The following ACSF3 variants were observed in gnomAD, a reference collection of about 807,000 sequenced individuals.
ACSF3 encodes acyl-CoA synthetase family member 3.
A neutral mutation model predicts 53.2 loss-of-function variants in ACSF3; 78 were observed. The ratio of observed to expected loss-of-function variants is 1.47; its 90% CI spans 1.22 to 1.77. ACSF3 has a LOEUF of 1.77. Among genes scored for constraint, ACSF3 ranks in the 40% most tolerant of loss-of-function variants. The pLI is 0.00. For synonymous variants in ACSF3, 414 were observed against 333.1 expected (o/e 1.24, Z -2.65); for missense variants, 937 against 771.1 (o/e 1.22, Z -2.55).
At position 89,154,172 on chromosome 16, in the gene ACSF3, A is replaced by G. The variant is rs1189031794; in HGVS notation, c.1696A>G (p.Lys566Glu). Residue 566 changes from lysine (K) to glutamate (E), a missense_variant, in exon 11 of 11, where the codon AAG becomes GAG. Lys to Glu is a moderately conservative substitution (Grantham distance 56). Coordinates refer to ENST00000614302, the MANE Select transcript of ACSF3 (RefSeq NM_001243279.3). ...GCGGAACCAGATGGGCAAGATTGAC[A>G]AGAAGGCGCTCATCAGGCACTTCCA... ...IPRNQMGKID[K>E]KALIRHFHPS is the part of the protein sequence containing the mutation. The G allele has an allele frequency of 6.2e-7, 1 of 1,613,558 alleles. No individual in the cohort carries two copies. The highest frequency in any genetic ancestry group is 8.5e-7 in the Non-Finnish European group (1 of 1,179,880).
rs72262430 is a variant in ACSF3 at position 89,155,776 on chromosome 16, ATCTC to A, written c.*1574_*1577del. 1.1e-5 allele frequency: 5 copies of A among 453,852 alleles called. No individual in the cohort carries two copies. Among genetic ancestry groups the A allele is most frequent in the East Asian group, 6.9e-5 (1 of 14,396 alleles). The allele number at this position is 453,852 out of a possible 1,614,324, so 28.1% of individuals were successfully genotyped here. A position where few individuals can be genotyped will look rare whatever the true frequency, so the allele number is the denominator to read the frequency against. On this transcript the variant is annotated 3_prime_UTR_variant, in exon 11 of 11. Transcript: ENST00000614302. Reference sequence around the variant, plus strand: ...TTAATTCCACTAATTTTACATTTGCATCTCTCTCCTTTAATCCTGAAACTTTTGA... The same window carrying A: ...TTAATTCCACTAATTTTACATTTGCATCTCCTTTAATCCTGAAACTTTTGA...
intron 1 of ACSF3, among the ~76,000 whole-genome samples, chr16:89,094,381 T>C (rs1043978862): frequency 6.6e-6 from 1 of 152,224 alleles, no homozygotes; most frequent in African/African-American, 2.4e-5. Context: ...CCGTTTTAGT[T>C]GTTTGCTGCG....
intron 4 of ACSF3, among the ~76,000 whole-genome samples, chr16:89,104,940 A>T (rs909508280): frequency 6.6e-5 from 10 of 152,210 alleles, no homozygotes; most frequent in African/African-American, 2.2e-4. Flanking sequence ...AGCAGTTACT[A>T]CCGTGCCAAA....
At chr16:89,146,704 A>T (rs972594344) in intron 10 of ACSF3, among the ~76,000 whole-genome samples, 2 of 152,214 alleles carry the variant, frequency 1.3e-5, no homozygotes, top group East Asian at 3.9e-4. Context: ...CCCAGTCCTT[A>T]AACTCACCTG....
intron 1 of ACSF3, among the ~76,000 whole-genome samples, chr16:89,096,453 G>A (rs367887568): frequency 9.9e-5 from 15 of 152,282 alleles, no homozygotes; most frequent in African/African-American, 3.1e-4. Context: ...CTGCGTGTTC[G>A]AGGCAGGGCT....
chr16:89,154,100 G>A lies in ACSF3; in HGVS notation c.1624G>A (p.Ala542Thr). Residue 542 changes from alanine (A) to threonine (T), a missense_variant, in exon 11 of 11, where the codon GCC (alanine) becomes ACC (threonine). Transcript: ENST00000614302. Reference protein sequence around the residue: ...ELKEWARNVLAPYAVPSELVL... With the variant: ...ELKEWARNVLTPYAVPSELVL... ...TGCTTGTCTCTGCAGAAATGTCCTGGCCCCGTACGCGGTGCCCTCGGAGCT... is the reference window on the plus strand; with the variant it reads ...TGCTTGTCTCTGCAGAAATGTCCTGACCCCGTACGCGGTGCCCTCGGAGCT... 2 of 1,612,762 alleles carry A rather than the reference G, an allele frequency of 1.2e-6. No homozygotes were observed. Among genetic ancestry groups the A allele is most frequent in the Non-Finnish European group, 1.7e-6 (2 of 1,179,558 alleles).
At chr16:89,109,481 G>T (rs916907011) in intron 4 of ACSF3, among the ~76,000 whole-genome samples, 4 of 140,998 alleles carry the variant, frequency 2.8e-5, no homozygotes, top group African/African-American at 1.1e-4. Context: ...GCTCAGTCTC[G>T]GCTCACTGCA....
At chr16:89,099,972 C>T (rs1427842223) in intron 2 of ACSF3, among the ~76,000 whole-genome samples, 1 of 96,280 alleles carries the variant, frequency 1.0e-5, no homozygotes, top group Non-Finnish European at 2.4e-5. Context: ...GAGACCTTGT[C>T]TCTACCAAAA....
At chr16:89,128,617 G>A (rs12102355) in intron 7 of ACSF3, among the ~76,000 whole-genome samples, 109,080 of 152,068 alleles carry the variant, frequency 0.72, 40,119 homozygotes, top group Non-Finnish European at 0.8. Flanking sequence ...TGTTCCTTAA[G>A]ACTTCCTCTT....
At chr16:89,107,929 G>A (rs951822263) in intron 4 of ACSF3, among the ~76,000 whole-genome samples, 2 of 152,176 alleles carry the variant, frequency 1.3e-5, no homozygotes, top group African/African-American at 4.8e-5. Context: ...CCAAGACAGG[G>A]AAGAAAAAGA....
chr16:89,136,425 A>T, intron 8 of ACSF3: 1 of 985,848 alleles, frequency 1.0e-6, no homozygotes, highest in Non-Finnish European at 1.3e-6. Context: ...TCTTTGTCAC[A>T]GGCCATTAGC....
chr16:89,106,009 C>G (rs953408815), intron 4 of ACSF3, among the ~76,000 whole-genome samples: 4 of 152,238 alleles, frequency 2.6e-5, no homozygotes, highest in African/African-American at 9.6e-5. Flanking sequence ...CACAGGCACA[C>G]GGCTTGGGAG....
chr16:89,094,207 C>G (rs1974342317), intron 1 of ACSF3, among the ~76,000 whole-genome samples: 1 of 151,956 alleles, frequency 6.6e-6, no homozygotes, highest in East Asian at 1.9e-4. Flanking sequence ...GGCCCCCGCG[C>G]GGGGTGCGGG....
intron 4 of ACSF3, among the ~76,000 whole-genome samples, chr16:89,105,349 GCT>G (rs1273064206): frequency 6.6e-6 from 1 of 152,148 alleles, no homozygotes; most frequent in East Asian, 1.9e-4. Flanking sequence ...CCTCCTTGCG[GCT>G]CTCTCTGGGG....
At chr16:89,125,699 AGAG>A (rs970748099) in intron 7 of ACSF3, among the ~76,000 whole-genome samples, 106 of 15,184 alleles carry the variant, frequency 7.0e-3, no homozygotes, top group Non-Finnish European at 0.018. Flanking sequence ...AAAAAAAAAA[AGAG>A]AGAGAGAGAG....
chr16:89,114,330 GC>G lies in ACSF3; in HGVS notation c.978-7del. On this transcript the variant is annotated splice_region_variant and splice_polypyrimidine_tract_variant and intron_variant, in intron 5 of 10. Transcript: ENST00000614302. ...AGGGGCTAAACCTGCCTTTGGTTGT[GC>G]CGCGTAGGCTGATGGTCTCAGGCTC... 1 of 1,613,914 alleles carries G rather than the reference GC, an allele frequency of 6.2e-7. No individual in the cohort carries two copies. The highest frequency in any genetic ancestry group is 1.3e-5 in the African/African-American group (1 of 75,054).
rs1160044834 is a variant in ACSF3 at position 89,155,844 on chromosome 16, A to G, written c.*1637A>G. On this transcript the variant is annotated 3_prime_UTR_variant, in exon 11 of 11. Transcript: ENST00000614302. Reference sequence around the variant, plus strand: ...TACATAATCATTTGCTTTATCCGATAGTATACATCAGTATATCATGCTTTC... The same window carrying G: ...TACATAATCATTTGCTTTATCCGATGGTATACATCAGTATATCATGCTTTC... The G allele has an allele frequency of 2.2e-6, 1 of 444,904 alleles. No homozygotes were observed. The highest frequency in any genetic ancestry group is 4.5e-6 in the Non-Finnish European group (1 of 222,636). The allele number at this position is 444,904 out of a possible 1,614,324, so 27.6% of individuals were successfully genotyped here. A position where few individuals can be genotyped will look rare whatever the true frequency, so the allele number is the denominator to read the frequency against.
intron 8 of ACSF3, among the ~76,000 whole-genome samples, chr16:89,136,182 C>G (rs1256156737): frequency 2.6e-5 from 4 of 152,238 alleles, no homozygotes; most frequent in Non-Finnish European, 5.9e-5. Flanking sequence ...CCCGGAGCCG[C>G]TGGGAGGGCA....
chr16:89,133,660 C>G (rs1170654218), intron 8 of ACSF3, among the ~76,000 whole-genome samples: 2 of 152,232 alleles, frequency 1.3e-5, no homozygotes, highest in African/African-American at 4.8e-5. Flanking sequence ...ACCCCTGTAC[C>G]CAGAGACCTC....
Sources: allele counts gnomAD v4.1 joint callset (sites outside exome capture counted in the v4.1 genomes callset), GRCh38; gene constraint gnomAD v4.1.1; transcripts MANE v1.5; gene names NCBI Gene and HGNC (gene_info 2026-07-23, HGNC 2026-07-21).